Variants in LARP4 observed in about 807,000 individuals in gnomAD.
LARP4 encodes La ribonucleoprotein 4.
Under a neutral mutation model 92.9 loss-of-function variants are expected in LARP4, and 29 were observed. That is an observed-to-expected ratio of 0.31 (90% CI 0.23 to 0.43). LARP4 has a LOEUF of 0.43. Among genes scored for constraint, LARP4 ranks in the 20% least tolerant of loss-of-function variants. The pLI is 1.00. For missense variants in LARP4, 732 were observed against 860.0 expected (o/e 0.85, Z 1.86); for synonymous variants, 279 against 284.1 (o/e 0.98, Z 0.18).
chr12:50,474,636 C>T (rs780731717), intron 15 of LARP4, among the ~76,000 whole-genome samples: 28 of 152,128 alleles, frequency 1.8e-4, no homozygotes, highest in Non-Finnish European at 1.2e-4. Flanking sequence ...CGTGAGCCAC[C>T]GCGCCTGGCC....
chr12:50,442,570 C>G (rs1184888085), intron 8 of LARP4, among the ~76,000 whole-genome samples: 1 of 152,198 alleles, frequency 6.6e-6, no homozygotes, highest in African/African-American at 2.4e-5. Context: ...TCGACTTGAT[C>G]CTCATTCCCT....
intron 5 of LARP4, among the ~76,000 whole-genome samples, chr12:50,436,246 GTA>G (rs140893670): frequency 1.7e-3 from 246 of 147,706 alleles, no homozygotes; most frequent in African/African-American, 5.6e-3. Context: ...ATGTGTGTAT[GTA>G]TATATATATA....
chr12:50,424,695 A>G (rs1046271450), intron 1 of LARP4, among the ~76,000 whole-genome samples: 21 of 152,118 alleles, frequency 1.4e-4, no homozygotes, highest in African/African-American at 3.9e-4. Flanking sequence ...AAAAATAAGA[A>G]TGTTTTACCC....
chr12:50,432,860 C>CA (rs10660517), intron 4 of LARP4, among the ~76,000 whole-genome samples: 16,587 of 124,380 alleles, frequency 0.13, 2,105 homozygotes, highest in African/African-American at 0.35. Context: ...GACTTCGTTT[C>CA]AAAAAAAAAA....
intron 1 of LARP4, among the ~76,000 whole-genome samples, chr12:50,414,384 A>C (rs1033782701): frequency 9.2e-5 from 14 of 151,914 alleles, no homozygotes; most frequent in Non-Finnish European, 1.0e-4. Context: ...GCTTACTGCA[A>C]CCTCCTCCTC....
At chr12:50,427,053 A>G (rs1037031975) in intron 1 of LARP4, among the ~76,000 whole-genome samples, 6 of 152,098 alleles carry the variant, frequency 3.9e-5, no homozygotes, top group African/African-American at 1.4e-4. Context: ...AGATTACCTT[A>G]AATGGCACTA....
chr12:50,402,672 C>A, intron 1 of LARP4: 1 of 418,836 alleles, frequency 2.4e-6, no homozygotes, highest in Non-Finnish European at 4.7e-6. Flanking sequence ...ATATGTTTTA[C>A]AGATGACAAA....
At chr12:50,462,726 T>G in intron 12 of LARP4, 96 bp downstream of exon 12, 1 of 866,938 alleles carries the variant, frequency 1.2e-6, no homozygotes, top group Non-Finnish European at 1.8e-6. Context: ...TTTGTTTTAT[T>G]GATTGTAGTC....
intron 8 of LARP4, among the ~76,000 whole-genome samples, chr12:50,445,022 G>A (rs1056463085): frequency 1.8e-5 from 2 of 111,112 alleles, no homozygotes; most frequent in African/African-American, 3.7e-5. Flanking sequence ...CCCCCGGCCC[G>A]AGTTAGCTGC....
intron 2 of LARP4, 85 bp downstream of exon 2, chr12:50,427,994 T>TC (rs148662102): frequency 2.6e-5 from 5 of 194,960 alleles, no homozygotes; most frequent in African/African-American, 4.4e-4. Flanking sequence ...GACACATCTC[T>TC]TTTTTTTTTT....
At chr12:50,469,872 G>C (rs1196461578) in intron 13 of LARP4, among the ~76,000 whole-genome samples, 2 of 152,138 alleles carry the variant, frequency 1.3e-5, no homozygotes, top group East Asian at 1.9e-4. Flanking sequence ...TTGTGCCATT[G>C]CACTCCAGCC....
At chr12:50,471,727 G>A (rs2139109629) in intron 13 of LARP4, among the ~76,000 whole-genome samples, 1 of 152,218 alleles carries the variant, frequency 6.6e-6, no homozygotes, top group African/African-American at 2.4e-5. Context: ...CGTCTTGTTG[G>A]CCAGGCTGGT....
At chr12:50,440,664 C>A in intron 7 of LARP4, 115 bp downstream of exon 7, 4 of 646,004 alleles carry the variant, frequency 6.2e-6, no homozygotes, top group Non-Finnish European at 1.1e-5. Flanking sequence ...TAGTGAGTAC[C>A]TTGGTCACCC....
At chr12:50,432,370 T>G (rs998799338) in intron 4 of LARP4, among the ~76,000 whole-genome samples, 1 of 152,180 alleles carries the variant, frequency 6.6e-6, no homozygotes, top group Non-Finnish European at 1.5e-5. Context: ...AGGTCAGGGC[T>G]GAGCAACAAT....
chr12:50,431,138 C>CAG (rs1949596503), intron 4 of LARP4, among the ~76,000 whole-genome samples: 1 of 151,932 alleles, frequency 6.6e-6, no homozygotes, highest in African/African-American at 2.4e-5. Context: ...CATGGTGGTG[C>CAG]GTGCCTGTAA....
chr12:50,455,581 A>C (rs1954071728), intron 10 of LARP4, among the ~76,000 whole-genome samples: 1 of 152,134 alleles, frequency 6.6e-6, no homozygotes, highest in African/African-American at 2.4e-5. Context: ...ATGTTTTTCC[A>C]AGATGACTTC....
chr12:50,451,400 C>G (rs1195958748), intron 8 of LARP4, among the ~76,000 whole-genome samples: 1 of 152,126 alleles, frequency 6.6e-6, no homozygotes, highest in Non-Finnish European at 1.5e-5. Flanking sequence ...GGATTTCCTT[C>G]TTTAAGACTG....
intron 10 of LARP4, among the ~76,000 whole-genome samples, chr12:50,460,866 C>T (rs1422763051): frequency 6.6e-6 from 1 of 152,122 alleles, no homozygotes; most frequent in African/African-American, 2.4e-5. Flanking sequence ...TGGCGTGAAC[C>T]CGGAAGGCAG....
At chr12:50,443,053 G>A (rs1282919577) in intron 8 of LARP4, among the ~76,000 whole-genome samples, 3 of 152,262 alleles carry the variant, frequency 2.0e-5, no homozygotes, top group South Asian at 4.2e-4. Flanking sequence ...AAGTATTTCA[G>A]AAGTGGGTCT....
Sources: allele counts gnomAD v4.1 joint callset (sites outside exome capture counted in the v4.1 genomes callset), GRCh38; gene constraint gnomAD v4.1.1; transcripts MANE v1.5; gene names NCBI Gene and HGNC (gene_info 2026-07-23, HGNC 2026-07-21).